SH2D4B: variants seen among roughly 807,000 people sequenced by gnomAD.
SH2D4B encodes SH2 domain containing 4B.
In SH2D4B, 45 loss-of-function variants were observed where a neutral mutation model predicts 61.5. The ratio of observed to expected loss-of-function variants is 0.73; its 90% confidence interval spans 0.58 to 0.94. SH2D4B has a LOEUF of 0.94. Ranked by LOEUF, SH2D4B falls within the 40% of genes least tolerant of loss-of-function variation. The pLI is 0.00. For synonymous variants in SH2D4B, 224 were observed against 220.4 expected, an observed-to-expected ratio of 1.02 and a Z score of -0.14; for missense variants, 572 against 574.2, an observed-to-expected ratio of 1.00 and a Z score of 0.04.
At chr10:80,643,642 G>A (rs80130113) in intron 7 of SH2D4B, among the ~76,000 whole-genome samples, 8,014 of 151,786 alleles carry the variant, frequency 0.053, 706 homozygotes, top group African/African-American at 0.18. Context: ...CTCATTCCCC[G>A]ACCTGCTTGA....
chr10:80,620,511 C>G (rs907461540), intron 6 of SH2D4B, among the ~76,000 whole-genome samples: 2 of 152,228 alleles, frequency 1.3e-5, no homozygotes, highest in African/African-American at 4.8e-5. Context: ...AGTGCGAGAA[C>G]AGAGCAATAC....
intron 6 of SH2D4B, among the ~76,000 whole-genome samples, chr10:80,612,774 A>AG (rs1842616955): frequency 6.6e-6 from 1 of 152,212 alleles, no homozygotes; most frequent in Non-Finnish European, 1.5e-5. Flanking sequence ...TTTCATATGC[A>AG]GGTTAAACAT....
intron 1 of SH2D4B, among the ~76,000 whole-genome samples, chr10:80,543,355 G>GGCCGGCCCC (rs1419638031): frequency 5.9e-5 from 9 of 152,026 alleles, no homozygotes; most frequent in African/African-American, 2.2e-4. Flanking sequence ...CCGGCCACCT[G>GGCCGGCCCC]GCCGGCCCCA....
intron 1 of SH2D4B, among the ~76,000 whole-genome samples, chr10:80,553,240 G>A (rs1171130537): frequency 6.6e-6 from 1 of 152,142 alleles, no homozygotes; most frequent in African/African-American, 2.4e-5. Context: ...TTCTATCCTA[G>A]TATTTCACTG....
At chr10:80,547,040 T>C (rs568266385) in intron 1 of SH2D4B, among the ~76,000 whole-genome samples, 95 of 152,330 alleles carry the variant, frequency 6.2e-4, no homozygotes, top group Middle Eastern at 6.8e-3. Flanking sequence ...TTTTTTATGC[T>C]CATAGTAGAG....
chr10:80,643,392 A>C (rs1318852778), intron 7 of SH2D4B, among the ~76,000 whole-genome samples: 1 of 151,782 alleles, frequency 6.6e-6, no homozygotes, highest in Non-Finnish European at 1.5e-5. Context: ...TCTATTGTTG[A>C]GTTCAGCCTC....
intron 1 of SH2D4B, among the ~76,000 whole-genome samples, chr10:80,563,002 C>T (rs1008909475): frequency 1.3e-5 from 2 of 148,238 alleles, no homozygotes; most frequent in Admixed American, 1.4e-4. Flanking sequence ...CCCGGGTTCA[C>T]GCCATTCTCC....
At chr10:80,601,403 A>G (rs1225339732) in intron 4 of SH2D4B, among the ~76,000 whole-genome samples, 1 of 152,178 alleles carries the variant, frequency 6.6e-6, no homozygotes, top group Non-Finnish European at 1.5e-5. Context: ...TATTTTCTCA[A>G]CTTGCCCCTG....
intron 2 of SH2D4B, 142 bp downstream of exon 2, chr10:80,570,458 G>A: frequency 1.9e-6 from 2 of 1,032,560 alleles, no homozygotes; most frequent in Non-Finnish European, 2.7e-6. Context: ...GACCTCAGGT[G>A]AGCCACCCGC....
At chr10:80,635,723 A>G (rs887422360) in intron 7 of SH2D4B, among the ~76,000 whole-genome samples, 2 of 152,144 alleles carry the variant, frequency 1.3e-5, no homozygotes, top group Non-Finnish European at 2.9e-5. Context: ...CACTGAACCT[A>G]TTGCTCTACA....
At chr10:80,612,951 C>T (rs1014849564) in intron 6 of SH2D4B, among the ~76,000 whole-genome samples, 5 of 152,166 alleles carry the variant, frequency 3.3e-5, no homozygotes, top group Non-Finnish European at 7.4e-5. Flanking sequence ...GTGAAACTGG[C>T]ATTGTAACAT....
chr10:80,613,717 T>C (rs1842628724), intron 6 of SH2D4B, among the ~76,000 whole-genome samples: 1 of 152,168 alleles, frequency 6.6e-6, no homozygotes, highest in Non-Finnish European at 1.5e-5. Flanking sequence ...TCCCCAGCCA[T>C]GTAGACAGTG....
chr10:80,580,497 G>A (rs1248982614), intron 3 of SH2D4B, among the ~76,000 whole-genome samples: 2 of 152,168 alleles, frequency 1.3e-5, no homozygotes, highest in African/African-American at 4.8e-5. Flanking sequence ...GCATCAGGCT[G>A]TTGGTTGATA....
intron 4 of SH2D4B, among the ~76,000 whole-genome samples, chr10:80,594,672 C>A (rs1032211682): frequency 6.6e-6 from 1 of 152,062 alleles, no homozygotes; most frequent in Non-Finnish European, 1.5e-5. Flanking sequence ...TTGTTATGAA[C>A]CTTTTTCTCT....
intron 6 of SH2D4B, among the ~76,000 whole-genome samples, chr10:80,631,714 A>G (rs546426094): frequency 6.6e-6 from 1 of 152,352 alleles, no homozygotes; most frequent in South Asian, 2.1e-4. Flanking sequence ...CAGAAAGACA[A>G]ATACCTCATG....
intron 3 of SH2D4B, among the ~76,000 whole-genome samples, chr10:80,581,856 A>C (rs1842188839): frequency 6.6e-6 from 1 of 152,196 alleles, no homozygotes; most frequent in African/African-American, 2.4e-5. Context: ...CCTGCCTGGA[A>C]GACCCCAGTG....
rs202212868 is a variant in SH2D4B at position 80,644,101 on chromosome 10, A to G, written c.*16A>G. On this transcript the variant is annotated 3_prime_UTR_variant, in exon 8 of 8. Transcript: ENST00000646907. ...GTTTGAATAATTTTTTTCCTTATCA[A>G]TTGGATTCATTTTGGTATCCTGTTT... 283 of 1,602,586 alleles carry G rather than the reference A, an allele frequency of 1.8e-4. 1 individual carries two copies. In the East Asian group the frequency reaches 5.0e-3, roughly 28 times the overall value.
chr10:80,633,133 AGTGGCTTCGGGG>A (rs528475406), intron 6 of SH2D4B, among the ~76,000 whole-genome samples: 357 of 151,736 alleles, frequency 2.4e-3, no homozygotes, highest in African/African-American at 7.8e-3. Context: ...CTCGCTCGGG[AGTGGCTTCGGGG>A]ATTGGGGAGA....
chr10:80,572,984 A>ATTTTTTTTTTTTTTTTTTTTT (rs1283153702), intron 3 of SH2D4B, among the ~76,000 whole-genome samples: 2 of 8,294 alleles, frequency 2.4e-4, no homozygotes, highest in Non-Finnish European at 4.2e-4. Context: ...ATATATATAT[A>ATTTTTTTTTTTTTTTTTTTTT]TATTTTTTTT....
Sources: allele counts gnomAD v4.1 joint callset (sites outside exome capture counted in the v4.1 genomes callset), GRCh38; gene constraint gnomAD v4.1.1; transcripts MANE v1.5; gene names NCBI Gene and HGNC (gene_info 2026-07-23, HGNC 2026-07-21).